The following COLEC11 variants were observed in gnomAD, a reference collection of about 807,000 sequenced individuals.
COLEC11 encodes collectin subfamily member 11.
A neutral mutation model predicts 27.3 loss-of-function variants in COLEC11; 20 were observed. The observed-to-expected ratio is 0.73, with a 90% CI of 0.51 to 1.06. The LOEUF is 1.06. Among genes scored for constraint, COLEC11 ranks in the 50% least tolerant of loss-of-function variants. The probability of loss-of-function intolerance (pLI) is 0.00; values close to 1 mark genes in which losing one functional copy is unlikely to be tolerated. For synonymous variants in COLEC11, 163 were observed against 154.7 expected, an observed-to-expected ratio of 1.05 and a Z score of -0.40; for missense variants, 310 against 383.0, an observed-to-expected ratio of 0.81 and a Z score of 1.59.
intron 3 of COLEC11, 142 bp downstream of exon 3, chr2:3,613,524 A>G: frequency 2.5e-6 from 2 of 815,578 alleles, no homozygotes; most frequent in Non-Finnish European, 4.0e-6. Flanking sequence ...ACGGCATGGG[A>G]CTTGGGTCGG....
At chr2:3,599,132 C>T (rs541412968) in intron 1 of COLEC11, among the ~76,000 whole-genome samples, 1 of 152,244 alleles carries the variant, frequency 6.6e-6, no homozygotes, top group South Asian at 2.1e-4. Context: ...TGCTGGGAAG[C>T]GTTCTTAATT....
Position 3,643,476 on chromosome 2 carries a change from G to A in COLEC11, c.361G>A (p.Ala121Thr), listed in dbSNP as rs758248879. 1.9e-6 allele frequency: 3 copies of A among 1,613,844 alleles called. No homozygotes were observed. Among genetic ancestry groups the A allele is most frequent in the South Asian group, 1.1e-5 (1 of 91,084 alleles). The change falls in exon 6 of 7, where the codon GCC (alanine) becomes ACC (threonine). Residue 121 changes from alanine to threonine, a missense_variant. By Grantham distance (58) the Ala-to-Thr change is moderately conservative (BLOSUM62 0). Transcript: ENST00000349077. ...LPCECSQLRKAIGEMDNQVSQ... is the reference protein window; with the variant it reads ...LPCECSQLRKTIGEMDNQVSQ... ...ATGTGAGTGCAGCCAGCTGCGCAAG[G>A]CCATCGGGGAGATGGACAACCAGGT...
chr2:3,604,317 G>C lies in COLEC11; in HGVS notation c.-24G>C. ...TGTTTATTCCTTCCTCTGTGTAGGA[G>C]TTGGTGTCCTGCCTGCGCTCAGGAT... On this transcript the variant is annotated splice_region_variant and 5_prime_UTR_variant, in exon 2 of 7. Coordinates refer to ENST00000349077, the MANE Select transcript of COLEC11 (RefSeq NM_024027.5). 6.2e-7 allele frequency: 1 copy of C among 1,613,740 alleles called. No homozygotes were observed. The highest frequency in any genetic ancestry group is 8.5e-7 in the Non-Finnish European group (1 of 1,179,870).
intron 1 of COLEC11, among the ~76,000 whole-genome samples, chr2:3,597,894 G>GT (rs1418606935): frequency 1.3e-5 from 2 of 151,970 alleles, no homozygotes; most frequent in African/African-American, 4.8e-5. Context: ...GGTGCCCCTT[G>GT]TTTTGACATT....
At chr2:3,624,861 G>T (rs1664423025) in intron 3 of COLEC11, among the ~76,000 whole-genome samples, 1 of 152,174 alleles carries the variant, frequency 6.6e-6, no homozygotes, top group African/African-American at 2.4e-5. Flanking sequence ...ACCCATGTGT[G>T]CATGTCTTGT....
intron 3 of COLEC11, among the ~76,000 whole-genome samples, chr2:3,632,919 G>T (rs1221972244): frequency 6.6e-6 from 1 of 152,182 alleles, no homozygotes; most frequent in Non-Finnish European, 1.5e-5. Context: ...GCTGAGGAGC[G>T]ACGTGTCAGA....
intron 3 of COLEC11, among the ~76,000 whole-genome samples, chr2:3,616,316 G>C (rs1259749042): frequency 6.6e-6 from 1 of 151,018 alleles, no homozygotes; most frequent in Non-Finnish European, 1.5e-5. Context: ...CCGAGACTAT[G>C]GGCGGCCAGG....
At position 3,644,112 on chromosome 2, in the gene COLEC11, C is replaced by T; in HGVS notation, c.810C>T (p.Asn270=). ...TCATGTGTGAGTTTGACAAGGAGAA[C>T]ATGTGAGCCTCAGGCTGGGGCTGCC... ...MYFMCEFDKE[N]M is the part of the protein sequence containing the mutation. The change falls in exon 7 of 7, where the codon AAC becomes AAT. Residue 270 remains asparagine (N), a synonymous_variant. Transcript: ENST00000349077. 6.2e-7 allele frequency: 1 copy of T among 1,610,864 alleles called. No homozygotes were observed. The highest frequency in any genetic ancestry group is 8.5e-7 in the Non-Finnish European group (1 of 1,180,032).
rs539016096 is a variant in COLEC11 at position 3,620,562 on chromosome 2, G to A, written c.202+7180G>A. Among the ~76,000 whole-genome samples, 8 of 151,382 alleles carry A rather than the reference G, an allele frequency of 5.3e-5. No homozygotes were observed. In the East Asian group the frequency reaches 9.7e-4, roughly 18 times the overall value. On this transcript the variant is annotated intron_variant, in intron 3 of 6. Coordinates refer to ENST00000349077, the MANE Select transcript of COLEC11 (RefSeq NM_024027.5). ...TTTGATTATTTCTGCTCTGATCTTC[G>A]TTATTTCCTTACTTCTGCTAACTTT...
rs1282140808 is a variant in COLEC11 at position 3,613,486 on chromosome 2, C to T, written c.202+104C>T. 4.9e-6 allele frequency: 6 copies of T among 1,233,806 alleles called. No homozygotes were observed. In the African/African-American group the frequency reaches 7.5e-5, roughly 16 times the overall value. 76.4% of individuals were successfully genotyped at this position (1,233,806 alleles called of 1,614,324 possible). On this transcript the variant is annotated intron_variant, in intron 3 of 6. Transcript: ENST00000349077. ...GGGTGGTGGTTCCAGAGAGGACAGG[C>T]CCTGCCCTCTGGGTCCCAGGGAGGC...
At chr2:3,610,621 C>T (rs575576753) in intron 2 of COLEC11, among the ~76,000 whole-genome samples, 27 of 152,272 alleles carry the variant, frequency 1.8e-4, no homozygotes, top group African/African-American at 3.6e-4. Context: ...CCTACTGCCT[C>T]GGGCTCGTGG....
At chr2:3,637,949 CG>C (rs1665553445) in intron 4 of COLEC11, among the ~76,000 whole-genome samples, 4 of 152,162 alleles carry the variant, frequency 2.6e-5, no homozygotes, top group African/African-American at 9.7e-5. Context: ...ACGTAAGGAG[CG>C]GACGCACCCT....
In COLEC11 at chr2:3,614,143, T is replaced by TTG. The variant is rs1553351120; in HGVS notation, c.202+761_202+762insTG. ...CTATCACACCCAGCTAATTTTTTTT[T>TTG]GGGGGGTATTTTTAGTAGAGACTAG... On this transcript the variant is annotated intron_variant, in intron 3 of 6. Transcript: ENST00000349077. 1.3e-3 allele frequency among the ~76,000 whole-genome samples: 189 copies of TTG among 151,000 alleles called. 1 individual carries two copies. The South Asian group carries it at 0.017, about 14-fold the overall frequency.
intron 3 of COLEC11, among the ~76,000 whole-genome samples, chr2:3,615,337 G>T (rs1261405099): frequency 6.6e-6 from 1 of 152,162 alleles, no homozygotes; most frequent in Non-Finnish European, 1.5e-5. Flanking sequence ...GAGTGGTGAT[G>T]ACTCTTAACG....
chr2:3,610,027 C>G (rs1394169956), intron 2 of COLEC11, among the ~76,000 whole-genome samples: 3 of 152,222 alleles, frequency 2.0e-5, no homozygotes. Context: ...TGGTCAGAAG[C>G]TATCATGACA....
chr2:3,611,572 C>A (rs1374134936), intron 2 of COLEC11, among the ~76,000 whole-genome samples: 1 of 152,246 alleles, frequency 6.6e-6, no homozygotes, highest in East Asian at 1.9e-4. Flanking sequence ...CTCTTTTCTT[C>A]TTACAAGATA....
intron 1 of COLEC11, chr2:3,603,989 C>A: frequency 3.5e-6 from 2 of 567,660 alleles, no homozygotes; most frequent in Non-Finnish European, 3.1e-6. Context: ...TGTGGAGACC[C>A]CTACTCCACT....
intron 2 of COLEC11, among the ~76,000 whole-genome samples, chr2:3,610,228 A>G (rs573022879): frequency 6.6e-6 from 1 of 152,354 alleles, no homozygotes; most frequent in South Asian, 2.1e-4. Context: ...TAGAGTGGAC[A>G]TAGTGCCCGC....
chr2:3,637,797 C>G (rs1003481292), intron 4 of COLEC11, among the ~76,000 whole-genome samples, 193 bp downstream of exon 4: 1 of 152,186 alleles, frequency 6.6e-6, no homozygotes, highest in African/African-American at 2.4e-5. Flanking sequence ...TCTGTGCTTA[C>G]AGGGTGCGGT....
Sources: gnomAD v4.1 joint callset for allele counts (sites outside exome capture counted in the v4.1 genomes callset) on GRCh38, gnomAD v4.1.1 for gene constraint, MANE v1.5 for transcripts, NCBI Gene and HGNC (gene_info 2026-07-23, HGNC 2026-07-21) for gene names.